Variants in CYP4F8 observed in about 807,000 individuals in gnomAD.
The protein encoded by CYP4F8 is cytochrome P450 4F8.
A neutral mutation model predicts 55.0 loss-of-function variants in CYP4F8; 56 were observed. The observed-to-expected ratio is 1.02, with a 90% confidence interval of 0.82 to 1.27. CYP4F8 has a LOEUF of 1.27. Among genes scored for constraint, CYP4F8 ranks in the 50% most tolerant of loss-of-function variants. The pLI, the probability that CYP4F8 is intolerant of heterozygous loss-of-function variation, is 0.00. For synonymous variants in CYP4F8, 288 were observed against 267.3 expected (o/e 1.08, Z -0.76); for missense variants, 680 against 682.4 (o/e 1.00, Z 0.04).
intron 5 of CYP4F8, chr19:15,621,539 CAAACA>C (rs1972193879): frequency 6.6e-6 from 1 of 151,888 alleles, no homozygotes; most frequent in African/African-American, 2.4e-5. Context: ...AACTAGCAAA[CAAACA>C]AAACAAACAA....
intron 6 of CYP4F8, 25 bp from the exon 7 acceptor site, chr19:15,623,080 T>G (rs369138824): frequency 7.4e-5 from 119 of 1,603,524 alleles, no homozygotes; most frequent in Non-Finnish European, 9.6e-5. Flanking sequence ...AGGAGCTGCT[T>G]CCTCTCTCTG....
chr19:15,625,362 GTA>G (rs59565669), intron 9 of CYP4F8, among the ~76,000 whole-genome samples: 23 of 147,332 alleles, frequency 1.6e-4, no homozygotes, highest in East Asian at 4.0e-4. Context: ...TATATATAGT[GTA>G]TATATATATA....
Position 15,629,279 on chromosome 19 carries a change from A to G in CYP4F8, c.1484A>G (p.His495Arg), listed in dbSNP as rs371570131. 3.1e-6 allele frequency: 5 copies of G among 1,613,288 alleles called. No homozygotes were observed. The African/African-American group carries it at 6.7e-5, about 22-fold the overall frequency. The change falls in exon 13 of 13, where the codon CAC becomes CGC. Residue 495 changes from histidine (H) to arginine (R), a missense_variant. His to Arg is a conservative substitution (Grantham distance 29). Transcript: ENST00000612078. Reference sequence around the variant, plus strand: ...CTGCGCTTCCGCATCCTGCCCGACCACAGGGAGCCACGCAGGACGCCGGAG... The same window carrying G: ...CTGCGCTTCCGCATCCTGCCCGACCGCAGGGAGCCACGCAGGACGCCGGAG... ...TLLRFRILPDHREPRRTPEIV... is the reference protein window; with the variant it reads ...TLLRFRILPDRREPRRTPEIV...
rs559553427 is a variant in CYP4F8, at chr19:15,617,878, T to C, written c.199-122T>C. On this transcript the variant is annotated intron_variant, in intron 2 of 12. Transcript: ENST00000612078. Reference sequence around the variant, plus strand: ...CCTCCTTCCTCAGTTTTCCTTCAAATGCTAATCTCTCCTGAAACACTCTCA... The same window carrying C: ...CCTCCTTCCTCAGTTTTCCTTCAAACGCTAATCTCTCCTGAAACACTCTCA... The C allele has an allele frequency of 2.8e-5, 35 of 1,249,710 alleles. No individual in the cohort carries two copies. The East Asian group carries it at 8.1e-4, about 29-fold the overall frequency. The allele number at this position is 1,249,710 out of a possible 1,614,324, so 77.4% of individuals were successfully genotyped here. A position where few individuals can be genotyped will look rare whatever the true frequency, so the allele number is the denominator to read the frequency against.
intron 5 of CYP4F8, 22 bp from the exon 6 acceptor site, chr19:15,622,197 C>A (rs780205127): frequency 6.2e-7 from 1 of 1,610,722 alleles, no homozygotes; most frequent in South Asian, 1.1e-5. Context: ...CTGGCCCCAG[C>A]CCTGCTCCCT....
At chr19:15,623,477 GGAA>G (rs1972222139) in intron 7 of CYP4F8, 102 bp downstream of exon 7, 1 of 1,524,774 alleles carries the variant, frequency 6.6e-7, no homozygotes, top group Non-Finnish European at 8.8e-7. Context: ...AAGGAGCCAT[GGAA>G]GGTGCTCGAA....
At position 15,628,613 on chromosome 19, in the gene CYP4F8, T is replaced by G; in HGVS notation, c.1314+18T>G. 1 of 1,612,492 alleles carries G rather than the reference T, an allele frequency of 6.2e-7. No homozygotes were observed. On this transcript the variant is annotated intron_variant, in intron 11 of 12. Coordinates refer to ENST00000612078, the MANE Select transcript of CYP4F8 (RefSeq NM_007253.4). The stretch of plus-strand genomic sequence containing the variant: ...ACCCTGAGGTGCTGCCCCTCCCTGT[T>G]TCTCCATCCCCCGGGCCTGGTCGGG...
At position 15,615,609 on chromosome 19, in the gene CYP4F8, C is replaced by T. The variant is rs1023177668; in HGVS notation, c.-1-7C>T. 6.2e-7 allele frequency: 1 copy of T among 1,613,098 alleles called. No homozygotes were observed. Among genetic ancestry groups the T allele is most frequent in the Non-Finnish European group, 8.5e-7 (1 of 1,179,636 alleles). On this transcript the variant is annotated splice_polypyrimidine_tract_variant and splice_region_variant and intron_variant, in intron 1 of 12. Transcript: ENST00000612078. ...GGACCTCACCCTCCATCCCGTCTGC[C>T]CTGCAGGATGTCGCTGCTGAGCCTG...
In CYP4F8 at chr19:15,624,064, T is replaced by C; in HGVS notation, c.1085T>C (p.Leu362Pro). 1.2e-6 allele frequency: 2 copies of C among 1,614,182 alleles called. No individual in the cohort carries two copies. Among genetic ancestry groups the C allele is most frequent in the Non-Finnish European group, 1.7e-6 (2 of 1,180,012 alleles). ...TGCCGGCAGGAGGTGCAAGAGCTTC[T>C]GAAGGACCGTGAGCCTAAAGAGATT... ...ERCRQEVQEL[L>P]KDREPKEIEW... Residue 362 changes from leucine to proline, a missense_variant, in exon 9 of 13, where the codon CTG (leucine) becomes CCG (proline). By Grantham distance (98) the Leu-to-Pro change is moderately conservative (BLOSUM62 -3). Transcript: ENST00000612078.
chr19:15,623,372 C>T lies in CYP4F8; in HGVS notation c.915C>T (p.Ser305=), dbSNP rs754435447. 5.0e-6 allele frequency: 8 copies of T among 1,612,624 alleles called. No homozygotes were observed. Among genetic ancestry groups the T allele is most frequent in the South Asian group, 2.2e-5 (2 of 91,054 alleles). ...ACTTTATTGATGTGCTCCTGCTGAG[C>T]GAGGTGGGCCTCTCTGGGATCTGAA... The part of the protein sequence containing the change: ...TLDFIDVLLL[S]EDKNGKELSD... The change falls in exon 7 of 13, where the codon AGC becomes AGT. Residue 305 remains serine, a synonymous_variant. Transcript: ENST00000612078.
Position 15,623,708 on chromosome 19 carries a change from G to T in CYP4F8, c.928G>T (p.Gly310Cys). 6.2e-7 allele frequency: 1 copy of T among 1,614,158 alleles called. No individual in the cohort carries two copies. The highest frequency in any genetic ancestry group is 8.5e-7 in the Non-Finnish European group (1 of 1,180,018). Residue 310 changes from glycine (G) to cysteine (C), a missense_variant, in exon 8 of 13, where the codon GGT becomes TGT. Transcript: ENST00000612078. ...DVLLLSEDKN[G>C]KELSDEDIRA... ...GGGTTCTTGTCTCCAGGATAAAAAT[G>T]GTAAAGAGTTGTCAGATGAGGACAT...
At chr19:15,624,146 G>A (rs1390101269) in intron 9 of CYP4F8, 52 bp downstream of exon 9, 7 of 1,595,050 alleles carry the variant, frequency 4.4e-6, no homozygotes, top group Middle Eastern at 1.7e-4. Flanking sequence ...AGTCCTTCTC[G>A]TTGGTTCTTC....
intron 5 of CYP4F8, among the ~76,000 whole-genome samples, chr19:15,621,516 A>G (rs1219774605): frequency 6.6e-6 from 1 of 152,156 alleles, no homozygotes. Context: ...ACAGAACGAG[A>G]CTCCATCTCA....
chr19:15,622,828 G>T (rs1023317477), intron 6 of CYP4F8: 21 of 503,588 alleles, frequency 4.2e-5, no homozygotes, highest in Non-Finnish European at 6.5e-5. Flanking sequence ...GTCTGAGTTT[G>T]GTGGAGAAAA....
intron 12 of CYP4F8, 134 bp downstream of exon 12, chr19:15,628,977 G>T: frequency 7.9e-7 from 1 of 1,260,552 alleles, no homozygotes; most frequent in Non-Finnish European, 1.1e-6. Context: ...AAAAGGGTGT[G>T]CTCAGAGCCT....
intron 9 of CYP4F8, 158 bp from the exon 10 acceptor site, chr19:15,628,144 T>C (rs1445375096): frequency 2.8e-6 from 3 of 1,062,638 alleles, no homozygotes; most frequent in Non-Finnish European, 1.3e-6. Context: ...TTTCTTCTAG[T>C]AGTTTTGTGA....
At chr19:15,617,466 T>C (rs1413903446) in intron 2 of CYP4F8, among the ~76,000 whole-genome samples, 1 of 151,798 alleles carries the variant, frequency 6.6e-6, no homozygotes, top group Non-Finnish European at 1.5e-5. Context: ...ATAGAATTAA[T>C]AGGATATCAA....
intron 6 of CYP4F8, 59 bp from the exon 7 acceptor site, chr19:15,623,046 T>TGCTC: frequency 6.4e-7 from 1 of 1,555,122 alleles, no homozygotes; most frequent in Non-Finnish European, 8.7e-7. Context: ...GGCTGGAAGG[T>TGCTC]GCTCCCAGGC....
intron 2 of CYP4F8, among the ~76,000 whole-genome samples, chr19:15,617,386 G>A (rs1972136113): frequency 2.0e-5 from 3 of 152,288 alleles, no homozygotes; most frequent in African/African-American, 7.2e-5. Flanking sequence ...CAGAGGCTGT[G>A]CCACCTCTAA....
Sources: allele counts gnomAD v4.1 joint callset (sites outside exome capture counted in the v4.1 genomes callset), GRCh38; gene constraint gnomAD v4.1.1; transcripts MANE v1.5; gene names NCBI Gene and HGNC (gene_info 2026-07-23, HGNC 2026-07-21).